DAB1: variants seen among roughly 807,000 people sequenced by gnomAD.
The protein encoded by DAB1 is DAB adaptor protein 1, also known as disabled homolog 1.
DAB1 carries 15 observed loss-of-function variants against 64.6 expected under a neutral mutation model. The observed-to-expected ratio is 0.23, with a 90% CI of 0.16 to 0.36. The LOEUF is 0.36. Ranked by LOEUF, DAB1 falls within the 10% of genes least tolerant of loss-of-function variation. The probability of loss-of-function intolerance (pLI) is 1.00; values close to 1 mark genes in which losing one functional copy is unlikely to be tolerated. For missense variants in DAB1, 596 were observed against 706.7 expected (o/e 0.84, Z 1.78); for synonymous variants, 235 against 251.9 (o/e 0.93, Z 0.64).
chr1:57,659,241 C>T (rs1646355588), intron 6 of DAB1, among the ~76,000 whole-genome samples: 1 of 152,166 alleles, frequency 6.6e-6, no homozygotes. Flanking sequence ...GTAAAACACC[C>T]TTGGCAGAGC....
intron 3 of DAB1, among the ~76,000 whole-genome samples, chr1:58,364,324 T>G (rs1644195699): frequency 6.6e-6 from 1 of 152,170 alleles, no homozygotes; most frequent in African/African-American, 2.4e-5. Context: ...AATGAGCTAT[T>G]CCTGGGGTAA....
intron 9 of DAB1, among the ~76,000 whole-genome samples, chr1:57,049,114 A>T (rs1648885982): frequency 6.6e-6 from 1 of 152,144 alleles, no homozygotes; most frequent in Non-Finnish European, 1.5e-5. Flanking sequence ...AGAACGGAAG[A>T]TGAAAGGAAT....
At chr1:58,266,265 C>G (rs1455223895) in intron 4 of DAB1, among the ~76,000 whole-genome samples, 1 of 152,178 alleles carries the variant, frequency 6.6e-6, no homozygotes, top group Non-Finnish European at 1.5e-5. Context: ...TCTCTCCCTA[C>G]AGGGTGGTAG....
intron 5 of DAB1, among the ~76,000 whole-genome samples, chr1:58,141,373 T>C (rs1304416777): frequency 2.6e-5 from 4 of 152,096 alleles, no homozygotes; most frequent in East Asian, 1.9e-4. Flanking sequence ...GTGAGACTTA[T>C]TCACTATCAC....
rs866078367 is a variant in DAB1, at chr1:58,074,570, A to G, written n.387+75941T>C. 267 of 117,324 alleles carry G rather than the reference A, an allele frequency of 2.3e-3. 5 individuals are homozygous for G. Among genetic ancestry groups the G allele is most frequent in the East Asian group, 0.015 (52 of 3,520 alleles). The allele number at this position is 117,324 out of a possible 1,614,324, so 7.3% of individuals were successfully genotyped here. ...CACACATATATATATGTGTGTATAT[A>G]TATATATATATATATATATATATAT... On this transcript the variant is annotated intron_variant and non_coding_transcript_variant, in intron 5 of 20. Transcript: ENST00000485760.
chr1:58,383,996 A>G (rs1450697193), intron 3 of DAB1, among the ~76,000 whole-genome samples: 1 of 151,450 alleles, frequency 6.6e-6, no homozygotes, highest in African/African-American at 2.4e-5. Flanking sequence ...CTTTCTAACT[A>G]ACAGTGGACA....
At chr1:57,116,675 GTTC>G (rs1379113045) in intron 4 of DAB1, among the ~76,000 whole-genome samples, 1 of 151,992 alleles carries the variant, frequency 6.6e-6, no homozygotes, top group East Asian at 1.9e-4. Context: ...AGGACAAAAT[GTTC>G]TTAGGGCCAA....
intron 6 of DAB1, among the ~76,000 whole-genome samples, chr1:57,788,876 T>C (rs1412836139): frequency 6.6e-6 from 1 of 152,174 alleles, no homozygotes; most frequent in African/African-American, 2.4e-5. Flanking sequence ...AAAGGGTTCA[T>C]ATCTAAGAGC....
At chr1:57,429,866 T>C (rs1685434436) in intron 7 of DAB1, among the ~76,000 whole-genome samples, 1 of 152,220 alleles carries the variant, frequency 6.6e-6, no homozygotes, top group Non-Finnish European at 1.5e-5. Flanking sequence ...TTCATTCCAG[T>C]ATCATACTAT....
chr1:58,287,880 G>GT (rs1008973225), intron 4 of DAB1, among the ~76,000 whole-genome samples: 3 of 151,460 alleles, frequency 2.0e-5, no homozygotes, highest in African/African-American at 7.3e-5. Context: ...AAATTCACTG[G>GT]GTGTGGTAAT....
At chr1:57,231,307 A>G (rs1213519160) in intron 2 of DAB1, among the ~76,000 whole-genome samples, 1 of 152,174 alleles carries the variant, frequency 6.6e-6, no homozygotes, top group South Asian at 2.1e-4. Flanking sequence ...TCTTCTGGGT[A>G]TCCATAGTTA....
chr1:57,639,603 ATAAT>A (rs1646103455), intron 7 of DAB1, among the ~76,000 whole-genome samples: 1 of 152,130 alleles, frequency 6.6e-6, no homozygotes, highest in African/African-American at 2.4e-5. Context: ...TCTTGAGAAA[ATAAT>A]GTGTCCATGA....
At chr1:57,962,114 C>G (rs1426035171) in intron 5 of DAB1, among the ~76,000 whole-genome samples, 3 of 152,064 alleles carry the variant, frequency 2.0e-5, no homozygotes, top group African/African-American at 7.2e-5. Context: ...AATTCAAATC[C>G]TGGCTATGCC....
chr1:58,433,309 C>T (rs1644899932), intron 3 of DAB1, among the ~76,000 whole-genome samples: 1 of 151,980 alleles, frequency 6.6e-6, no homozygotes. Context: ...GGTTGTGATT[C>T]TAAATAATGT....
intron 5 of DAB1, among the ~76,000 whole-genome samples, chr1:58,089,607 A>G (rs1650519803): frequency 2.0e-5 from 3 of 152,258 alleles, no homozygotes; most frequent in Admixed American, 6.5e-5. Context: ...TTCTAAAGGC[A>G]GCTAAAGTGA....
At chr1:57,569,890 T>C (rs973168087) in intron 7 of DAB1, among the ~76,000 whole-genome samples, 1 of 152,212 alleles carries the variant, frequency 6.6e-6, no homozygotes, top group Non-Finnish European at 1.5e-5. Flanking sequence ...TTTCCCGTTG[T>C]ACGAAGGATA....
At chr1:57,341,661 G>A (rs953086433) in intron 1 of DAB1, among the ~76,000 whole-genome samples, 4 of 150,358 alleles carry the variant, frequency 2.7e-5, no homozygotes, top group African/African-American at 1.0e-4. Flanking sequence ...TGAGCTGTTA[G>A]ACTCTCAATT....
intron 4 of DAB1, among the ~76,000 whole-genome samples, chr1:58,270,343 C>T (rs529691537): frequency 3.0e-4 from 45 of 147,644 alleles, no homozygotes; most frequent in African/African-American, 1.0e-3. Context: ...AGATATGCGG[C>T]GTTATTTCTG....
rs757239526 is a variant in DAB1 at position 57,015,039 on chromosome 1, T to C, written c.1288A>G (p.Lys430Glu). The part of the protein sequence containing the change: ...MAQPPPVPSR[K>E]PDQPSLTCTS... Reference sequence around the variant, plus strand: ...CAGGTGAGGGAGGGCTGGTCGGGTTTGCGGGAGGGCACGGGCGGAGGCTGG... The same window carrying C: ...CAGGTGAGGGAGGGCTGGTCGGGTTCGCGGGAGGGCACGGGCGGAGGCTGG... Residue 430 changes from lysine (K) to glutamate (E), a missense_variant, in exon 12 of 15, where the codon AAA becomes GAA. By Grantham distance (56) the Lys-to-Glu change is moderately conservative (BLOSUM62 1). This residue lies in a region of DAB1 where 377 missense variants were observed against 400.4 expected (regional missense o/e 0.94). Coordinates refer to ENST00000371236, the MANE Select transcript of DAB1 (RefSeq NM_001365792.1). The C allele has an allele frequency of 6.2e-7, 1 of 1,613,964 alleles. No individual in the cohort carries two copies. Among genetic ancestry groups the C allele is most frequent in the South Asian group, 1.1e-5 (1 of 91,064 alleles).
Sources: allele counts gnomAD v4.1 joint callset (sites outside exome capture counted in the v4.1 genomes callset), GRCh38; gene constraint gnomAD v4.1.1; regional missense constraint gnomAD v4.1.1; transcripts MANE v1.5; gene names NCBI Gene and HGNC (gene_info 2026-07-23, HGNC 2026-07-21).